Variants in SRMS observed in about 807,000 individuals in gnomAD.
The protein encoded by SRMS is tyrosine-protein kinase Srms.
Under a neutral mutation model 43.5 loss-of-function variants are expected in SRMS, and 42 were observed. That is an observed-to-expected ratio of 0.97 (90% CI 0.75 to 1.25). The LOEUF (loss-of-function observed/expected upper bound fraction) is 1.25. Among genes scored for constraint, SRMS ranks in the 50% most tolerant of loss-of-function variants. SRMS has a pLI of 0.00. For missense variants in SRMS, 703 were observed against 681.0 expected, an observed-to-expected ratio of 1.03 and a Z score of -0.36; for synonymous variants, 316 against 308.2, an observed-to-expected ratio of 1.03 and a Z score of -0.27.
At position 63,538,652 on chromosome 20, in the gene SRMS, C is replaced by A; in HGVS notation, c.*2166G>T. Reference sequence around the variant, plus strand: ...GTGGGGAGGGGCAGCGGGGTGCCGGCCTGGGCAGTGTCCCTCAGGCCCTCC... The same window carrying A: ...GTGGGGAGGGGCAGCGGGGTGCCGGACTGGGCAGTGTCCCTCAGGCCCTCC... On this transcript the variant is annotated 3_prime_UTR_variant, in exon 8 of 8. Transcript: ENST00000217188. Among the ~76,000 whole-genome samples, 1 of 149,038 alleles carries A rather than the reference C, an allele frequency of 6.7e-6. No homozygotes were observed. Among genetic ancestry groups the A allele is most frequent in the Non-Finnish European group, 1.5e-5 (1 of 67,710 alleles).
In SRMS at chr20:63,540,985, C is replaced by T. The variant is rs867125156; in HGVS notation, c.1300G>A (p.Glu434Lys). Residue 434 changes from glutamate (E) to lysine (K), a missense_variant, in exon 8 of 8, where the codon GAG becomes AAG. Transcript: ENST00000217188. ...QCPYEGMTNH[E>K]TLQQIMRGYR... ...CCTCGCATGATCTGCTGCAGCGTCT[C>T]GTGGTTGGTCATCCCTGGGAGGCGC... is the stretch of plus-strand genomic sequence containing the variant. The T allele has an allele frequency of 1.7e-5, 27 of 1,609,010 alleles. No homozygotes were observed. In the Middle Eastern group the frequency reaches 1.5e-3, roughly 89 times the overall value.
At position 63,547,506 on chromosome 20, in the gene SRMS, G is replaced by T. The variant is rs1038989697; in HGVS notation, c.-43C>A. On this transcript the variant is annotated 5_prime_UTR_variant, in exon 1 of 8. Coordinates refer to ENST00000217188, the MANE Select transcript of SRMS (RefSeq NM_080823.4). ...CTGGGCCCGAGGGCCATGGGAGCCC[G>T]CGAGCCCGGAAGAGGAACTGGCAGG... 2 of 1,426,290 alleles carry T rather than the reference G, an allele frequency of 1.4e-6. No homozygotes were observed. Among genetic ancestry groups the T allele is most frequent in the Non-Finnish European group, 9.2e-7 (1 of 1,087,018 alleles). 88.4% of individuals were successfully genotyped at this position (1,426,290 alleles called of 1,614,324 possible). A position where few individuals can be genotyped will look rare whatever the true frequency, so the allele number is the denominator to read the frequency against.
In SRMS at chr20:63,542,544, G is replaced by C; in HGVS notation, c.683C>G (p.Ser228Cys). The C allele has an allele frequency of 1.2e-6, 2 of 1,612,342 alleles. No homozygotes were observed. The highest frequency in any genetic ancestry group is 1.7e-6 in the Non-Finnish European group (2 of 1,179,670). ...PRQDVWERPH[S>C]EFALGRKLGE... ...CAGCTTCCTCCCAAGGGCGAATTCG[G>C]AGTGTGGCCGCTCCCACACGTCCTG... Residue 228 changes from serine to cysteine, a missense_variant, in exon 4 of 8, where the codon TCC becomes TGC. Coordinates refer to ENST00000217188, the MANE Select transcript of SRMS (RefSeq NM_080823.4).
At chr20:63,542,023 G>T in intron 5 of SRMS, 140 bp downstream of exon 5, 1 of 1,221,844 alleles carries the variant, frequency 8.2e-7, no homozygotes. Flanking sequence ...AGACAGGGAT[G>T]GGATCTGCAG....
intron 7 of SRMS, 63 bp from the exon 8 acceptor site, chr20:63,541,062 C>A: frequency 1.9e-6 from 3 of 1,594,440 alleles, no homozygotes; most frequent in East Asian, 4.5e-5. Flanking sequence ...AGGAGGCCTC[C>A]TGTAGCCCCC....
rs151064093 is a variant in SRMS, at chr20:63,544,737, C to T, written c.357-389G>A. Among the ~76,000 whole-genome samples the T allele has an allele frequency of 7.9e-4, 120 of 152,362 alleles. 1 individual carries two copies. Among genetic ancestry groups the T allele is most frequent in the African/African-American group, 2.8e-3 (116 of 41,584 alleles). On this transcript the variant is annotated intron_variant, in intron 1 of 7. Transcript: ENST00000217188. ...GGAGCTGACGGCCTGGTGAGCTGCC[C>T]GGAAGCACTGCTGGGCTGTCGTGGC... is the stretch of plus-strand genomic sequence containing the variant.
chr20:63,543,738 A>G (rs2082716587), intron 2 of SRMS: 1 of 451,388 alleles, frequency 2.2e-6, no homozygotes, highest in Non-Finnish European at 3.9e-6. Flanking sequence ...TGTAGAATGA[A>G]TGAGTCCATG....
chr20:63,547,503 C>G lies in SRMS; in HGVS notation c.-40G>C. ...ACGCTGGGCCCGAGGGCCATGGGAG[C>G]CCGCGAGCCCGGAAGAGGAACTGGC... On this transcript the variant is annotated 5_prime_UTR_variant, in exon 1 of 8. Transcript: ENST00000217188. 7.0e-7 allele frequency: 1 copy of G among 1,427,744 alleles called. No individual in the cohort carries two copies. Among genetic ancestry groups the G allele is most frequent in the Non-Finnish European group, 9.2e-7 (1 of 1,088,106 alleles). The allele number at this position is 1,427,744 out of a possible 1,614,324, so 88.4% of individuals were successfully genotyped here.
chr20:63,543,450 C>A lies in SRMS; in HGVS notation c.509G>T (p.Arg170Leu), dbSNP rs147645098. Residue 170 changes from arginine (R) to leucine (L), a missense_variant, in exon 3 of 8, where the codon CGG becomes CTG. Transcript: ENST00000217188. ...GCTGCCATCAGCTGCCATGGAGACC[C>A]GGTAGTGGCAGACCTTGGCCTGGGC... The part of the protein sequence containing the change: ...VRAQAKVCHY[R>L]VSMAADGSLY... 6.2e-7 allele frequency: 1 copy of A among 1,612,816 alleles called. No individual in the cohort carries two copies. Among genetic ancestry groups the A allele is most frequent in the South Asian group, 1.1e-5 (1 of 91,086 alleles).
intron 5 of SRMS, among the ~76,000 whole-genome samples, 176 bp downstream of exon 5, chr20:63,541,987 C>T (rs924511622): frequency 2.0e-5 from 3 of 152,246 alleles, no homozygotes; most frequent in Admixed American, 1.3e-4. Flanking sequence ...CCAGACCTGA[C>T]GCCAGCCCCC....
At chr20:63,544,094 G>T in intron 2 of SRMS, 133 bp downstream of exon 2, 2 of 1,100,876 alleles carry the variant, frequency 1.8e-6, no homozygotes, top group Non-Finnish European at 2.4e-6. Context: ...GAGGTGACCA[G>T]CATATCTGCT....
rs146373271 is a variant in SRMS at position 63,540,826 on chromosome 20, G to A, written c.1459C>T (p.His487Tyr). The change falls in exon 8 of 8, where the codon CAC (histidine) becomes TAC (tyrosine). Residue 487 changes from histidine (H) to tyrosine (Y), a missense_variant. Coordinates refer to ENST00000217188, the MANE Select transcript of SRMS (RefSeq NM_080823.4). ...TTGGGTCACGTGAGGACTCAGGGGT[G>A]GCATCTGTGGATGGCGTGCAGCTTC... The part of the protein sequence containing the change: ...REKLHAIHRC[H>Y]P The A allele has an allele frequency of 2.4e-5, 38 of 1,600,984 alleles. No individual in the cohort carries two copies. The African/African-American group carries it at 4.9e-4, about 21-fold the overall frequency.
In SRMS at chr20:63,538,975, A is replaced by T. The variant is rs1190954156; in HGVS notation, c.*1843T>A. On this transcript the variant is annotated 3_prime_UTR_variant, in exon 8 of 8. Transcript: ENST00000217188. ...GCCTAGGAGGGCACAGGTGCCACAG[A>T]CACACCTGGTCCCCTTAATCCCAGT... Among the ~76,000 whole-genome samples, 1 of 152,136 alleles carries T rather than the reference A, an allele frequency of 6.6e-6. No individual in the cohort carries two copies. The highest frequency in any genetic ancestry group is 1.5e-5 in the Non-Finnish European group (1 of 67,970).
intron 3 of SRMS, 109 bp downstream of exon 3, chr20:63,543,205 G>A: frequency 7.3e-7 from 1 of 1,369,614 alleles, no homozygotes; most frequent in Non-Finnish European, 1.0e-6. Context: ...GGGCCCTGGA[G>A]CTGCGCCTCT....
chr20:63,539,757 G>A lies in SRMS; in HGVS notation c.*1061C>T, dbSNP rs1265660715. Reference sequence around the variant, plus strand: ...CCAGAGGCTTCCTGAGCCACTTGCTGCCCAGCATACCATGGCATCTACCTC... The same window carrying A: ...CCAGAGGCTTCCTGAGCCACTTGCTACCCAGCATACCATGGCATCTACCTC... On this transcript the variant is annotated 3_prime_UTR_variant, in exon 8 of 8. Transcript: ENST00000217188. Among the ~76,000 whole-genome samples, 1 of 152,006 alleles carries A rather than the reference G, an allele frequency of 6.6e-6. No homozygotes were observed. The highest frequency in any genetic ancestry group is 1.5e-5 in the Non-Finnish European group (1 of 67,990).
In SRMS at chr20:63,540,678, G is replaced by T; in HGVS notation, c.*140C>A. ...CCGTCTGCACGTCTGCCTGGTGCACGAACATGTGTGCACGCCAGGGCCTGA... is the reference window on the plus strand; with the variant it reads ...CCGTCTGCACGTCTGCCTGGTGCACTAACATGTGTGCACGCCAGGGCCTGA... On this transcript the variant is annotated 3_prime_UTR_variant, in exon 8 of 8. Transcript: ENST00000217188. The T allele has an allele frequency of 1.3e-5, 14 of 1,085,332 alleles. No individual in the cohort carries two copies. The South Asian group carries it at 2.0e-4, about 15-fold the overall frequency. 67.2% of individuals were successfully genotyped at this position (1,085,332 alleles called of 1,614,324 possible).
At chr20:63,545,694 G>A (rs1482484118) in intron 1 of SRMS, among the ~76,000 whole-genome samples, 2 of 152,152 alleles carry the variant, frequency 1.3e-5, no homozygotes, top group African/African-American at 4.8e-5. Context: ...ACAGGAAGAG[G>A]TGTGGGACCA....
At position 63,544,390 on chromosome 20, in the gene SRMS, GC is replaced by G. The variant is rs1301963708; in HGVS notation, c.357-43del. On this transcript the variant is annotated intron_variant, in intron 1 of 7. Coordinates refer to ENST00000217188, the MANE Select transcript of SRMS (RefSeq NM_080823.4). ...CGGCAGTCACCTTGCAGGCCCCTCA[GC>G]CAGTGGCCCCACATGCTCTCCTCCG... 7.0e-6 allele frequency: 10 copies of G among 1,434,224 alleles called. No homozygotes were observed. In the African/African-American group the frequency reaches 1.5e-4, roughly 21 times the overall value. 88.8% of individuals were successfully genotyped at this position (1,434,224 alleles called of 1,614,324 possible).
rs906349626 is a variant in SRMS at position 63,539,561 on chromosome 20, T to C, written c.*1257A>G. 6.6e-6 allele frequency among the ~76,000 whole-genome samples: 1 copy of C among 151,992 alleles called. No homozygotes were observed. The highest frequency in any genetic ancestry group is 2.4e-5 in the African/African-American group (1 of 41,364). ...CTGCCAACCTGGGCTCCCAGGAGGG[T>C]GGGGGGCAGGGTCTCCGGGGGCCAC... On this transcript the variant is annotated 3_prime_UTR_variant, in exon 8 of 8. Transcript: ENST00000217188.
Sources: gnomAD v4.1 joint callset for allele counts (sites outside exome capture counted in the v4.1 genomes callset) on GRCh38, gnomAD v4.1.1 for gene constraint, MANE v1.5 for transcripts, NCBI Gene and HGNC (gene_info 2026-07-23, HGNC 2026-07-21) for gene names.